The following GPATCH8 variants were observed in gnomAD, a reference collection of about 807,000 sequenced individuals.
The protein encoded by GPATCH8 is G patch domain-containing protein 8.
Under a neutral mutation model 118.3 loss-of-function variants are expected in GPATCH8, and 18 were observed. The ratio of observed to expected loss-of-function variants is 0.15; its 90% confidence interval spans 0.11 to 0.23. GPATCH8 has a LOEUF of 0.23. Among genes scored for constraint, GPATCH8 ranks in the 10% least tolerant of loss-of-function variants. The probability of loss-of-function intolerance (pLI) is 1.00; values close to 1 mark genes in which losing one functional copy is unlikely to be tolerated. For synonymous variants in GPATCH8, 659 were observed against 684.7 expected, an observed-to-expected ratio of 0.96 and a Z score of 0.59; for missense variants, 1,631 against 1,873.8, an observed-to-expected ratio of 0.87 and a Z score of 2.39.
Position 44,470,494 on chromosome 17 carries a change from C to CTTTTT in GPATCH8, c.120+4330_120+4334dup, listed in dbSNP as rs35343849. 5.2e-5 allele frequency among the ~76,000 whole-genome samples: 4 copies of CTTTTT among 76,314 alleles called. 1 individual carries two copies. The highest frequency in any genetic ancestry group is 3.6e-4 in the East Asian group (1 of 2,754). 50.1% of individuals were successfully genotyped at this position (76,314 alleles called of 152,430 possible). A position where few individuals can be genotyped will look rare whatever the true frequency, so the allele number is the denominator to read the frequency against. The stretch of plus-strand genomic sequence containing the variant: ...TAGGTGTGAGCCACTGCACCCAGCG[C>CTTTTT]TTTTTTTTTTTTTTTTTTTTGAGAC... On this transcript the variant is annotated intron_variant, in intron 2 of 7. Transcript: ENST00000591680.
intron 1 of GPATCH8, among the ~76,000 whole-genome samples, chr17:44,489,343 CT>C (rs920572731): frequency 2.0e-5 from 3 of 150,664 alleles, no homozygotes; most frequent in Non-Finnish European, 3.0e-5. Flanking sequence ...CCCACCCCCT[CT>C]TTTTTGTTTT....
chr17:44,406,069 A>T lies in GPATCH8; in HGVS notation c.493-18T>A. On this transcript the variant is annotated intron_variant, in intron 6 of 7. Coordinates refer to ENST00000591680, the MANE Select transcript of GPATCH8 (RefSeq NM_001002909.4). ...TTTAATCTCTGGGTTAAAAGAAAGAAAGATACAGAGGGTGGATGATTTACA... is the reference window on the plus strand; with the variant it reads ...TTTAATCTCTGGGTTAAAAGAAAGATAGATACAGAGGGTGGATGATTTACA... 1 of 1,586,108 alleles carries T rather than the reference A, an allele frequency of 6.3e-7. No individual in the cohort carries two copies. The highest frequency in any genetic ancestry group is 2.2e-5 in the East Asian group (1 of 44,698).
intron 1 of GPATCH8, among the ~76,000 whole-genome samples, chr17:44,484,052 G>A (rs997616193): frequency 8.5e-5 from 13 of 152,198 alleles, no homozygotes; most frequent in African/African-American, 2.9e-4. Context: ...GTGTTAGCCA[G>A]GATGGTCTTG....
At chr17:44,488,106 G>A (rs1001161550) in intron 1 of GPATCH8, among the ~76,000 whole-genome samples, 8 of 151,026 alleles carry the variant, frequency 5.3e-5, no homozygotes, top group African/African-American at 1.5e-4. Flanking sequence ...TGTATTTTCA[G>A]TAGAGAAGGG....
At chr17:44,472,431 A>T (rs1295153033) in intron 2 of GPATCH8, among the ~76,000 whole-genome samples, 1 of 152,220 alleles carries the variant, frequency 6.6e-6, no homozygotes, top group Non-Finnish European at 1.5e-5. Context: ...AATTTCCAAA[A>T]ATATTTCAGT....
chr17:44,502,632 A>G (rs1364853429), intron 1 of GPATCH8, among the ~76,000 whole-genome samples: 1 of 152,198 alleles, frequency 6.6e-6, no homozygotes, highest in Non-Finnish European at 1.5e-5. Context: ...ACGGCCTATT[A>G]TCATCACGCT....
rs527841575 is a variant in GPATCH8 at position 44,498,961 on chromosome 17, T to C, written c.45+4365A>G. On this transcript the variant is annotated intron_variant, in intron 1 of 7. Coordinates refer to ENST00000591680, the MANE Select transcript of GPATCH8 (RefSeq NM_001002909.4). ...CTAAGGGTCACATACTGGTTACATA[T>C]GGAAACACAAAGAGGATTCCTACAA... Among the ~76,000 whole-genome samples the C allele has an allele frequency of 9.2e-5, 14 of 152,312 alleles. No individual in the cohort carries two copies. The South Asian group carries it at 2.7e-3, about 29-fold the overall frequency.
At position 44,398,776 on chromosome 17, in the gene GPATCH8, T is replaced by C. The variant is rs2048882280; in HGVS notation, c.3301A>G (p.Lys1101Glu). Reference sequence around the variant, plus strand: ...CTCACACTAGGTTTCCTCTCCACTTTCCTTGACTGGATCTTCTCCAGTAGC... The same window carrying C: ...CTCACACTAGGTTTCCTCTCCACTTCCCTTGACTGGATCTTCTCCAGTAGC... ...KLLLEKIQSR[K>E]VERKPSVSEE... The change falls in exon 8 of 8, where the codon AAA (lysine) becomes GAA (glutamate). Residue 1101 changes from lysine (K) to glutamate (E), a missense_variant. Physicochemically the swap from Lys to Glu is moderately conservative, Grantham distance 56. This residue lies in a region of GPATCH8 where 922 missense variants were observed against 879.7 expected (regional missense o/e 1.05). Transcript: ENST00000591680. 1 of 1,613,758 alleles carries C rather than the reference T, an allele frequency of 6.2e-7. No homozygotes were observed. The highest frequency in any genetic ancestry group is 1.3e-5 in the African/African-American group (1 of 74,890).
chr17:44,472,202 A>G (rs746308037), intron 2 of GPATCH8, among the ~76,000 whole-genome samples: 5 of 152,218 alleles, frequency 3.3e-5, no homozygotes, highest in Non-Finnish European at 7.3e-5. Flanking sequence ...TTAAATATCC[A>G]GCCTGAGTAC....
At chr17:44,470,905 T>G (rs918188020) in intron 2 of GPATCH8, among the ~76,000 whole-genome samples, 2 of 152,260 alleles carry the variant, frequency 1.3e-5, no homozygotes, top group Non-Finnish European at 2.9e-5. Context: ...GAGCTATGGC[T>G]TTAGATCAAG....
chr17:44,499,865 T>C (rs1337007369), intron 1 of GPATCH8, among the ~76,000 whole-genome samples: 4 of 145,894 alleles, frequency 2.7e-5, no homozygotes, highest in African/African-American at 5.1e-5. Flanking sequence ...TAAAAATAAA[T>C]ACATCAGCTT....
intron 3 of GPATCH8, among the ~76,000 whole-genome samples, chr17:44,440,842 G>T (rs1016328391): frequency 8.5e-4 from 129 of 151,370 alleles, no homozygotes; most frequent in African/African-American, 3.1e-3. Context: ...CTCTTTTGTT[G>T]TTTTTTGGGA....
chr17:44,408,279 G>A (rs1323879410), intron 6 of GPATCH8, among the ~76,000 whole-genome samples: 3 of 151,812 alleles, frequency 2.0e-5, no homozygotes, highest in East Asian at 1.9e-4. Context: ...TCTGCCTCCC[G>A]GGTCCAAGCA....
intron 3 of GPATCH8, among the ~76,000 whole-genome samples, chr17:44,440,077 C>T (rs938460151): frequency 1.2e-4 from 19 of 152,220 alleles, no homozygotes; most frequent in Admixed American, 8.5e-4. Flanking sequence ...CCACCTCGCC[C>T]GGCCTCAACT....
chr17:44,457,897 C>T (rs934008258), intron 3 of GPATCH8, among the ~76,000 whole-genome samples: 4 of 151,924 alleles, frequency 2.6e-5, no homozygotes, highest in Non-Finnish European at 4.4e-5. Flanking sequence ...CTGGCTAACA[C>T]GCTAAAACCC....
In GPATCH8 at chr17:44,460,094, C is replaced by G. The variant is rs1170128099; in HGVS notation, c.193+4378G>C. Among the ~76,000 whole-genome samples the G allele has an allele frequency of 2.0e-5, 3 of 152,178 alleles. No homozygotes were observed. In the East Asian group the frequency reaches 5.8e-4, roughly 29 times the overall value. On this transcript the variant is annotated intron_variant, in intron 3 of 7. Transcript: ENST00000591680. ...AAAAATAAAAATTTTGAACTACATT[C>G]CATTTCAAAGCTGACAAAAGGTTAT...
chr17:44,398,026 G>A lies in GPATCH8; in HGVS notation c.4051C>T (p.Pro1351Ser), dbSNP rs1408354278. ...KAFPASAALA[P>S]ATPALQPIHI... is the part of the protein sequence containing the mutation. ...ATGGGTTGCAGGGCTGGTGTGGCTGGGGCCAGGGCAGCTGAGGCTGGAAAG... is the reference window on the plus strand; with the variant it reads ...ATGGGTTGCAGGGCTGGTGTGGCTGAGGCCAGGGCAGCTGAGGCTGGAAAG... Residue 1351 changes from proline (P) to serine (S), a missense_variant, in exon 8 of 8, where the codon CCA (proline) becomes TCA (serine). Physicochemically the swap from Pro to Ser is moderately conservative, Grantham distance 74. Transcript: ENST00000591680. 3 of 1,613,878 alleles carry A rather than the reference G, an allele frequency of 1.9e-6. No individual in the cohort carries two copies. Among genetic ancestry groups the A allele is most frequent in the Admixed American group, 3.3e-5 (2 of 60,008 alleles).
At chr17:44,416,619 GTGT>G (rs745792584) in intron 6 of GPATCH8, among the ~76,000 whole-genome samples, 7 of 152,150 alleles carry the variant, frequency 4.6e-5, no homozygotes, top group Non-Finnish European at 8.8e-5. Flanking sequence ...CTTCAAACCT[GTGT>G]TGTTTCTTAA....
At chr17:44,447,399 T>C (rs1423601689) in intron 3 of GPATCH8, among the ~76,000 whole-genome samples, 2 of 151,796 alleles carry the variant, frequency 1.3e-5, no homozygotes, top group South Asian at 2.1e-4. Context: ...CCTCGTGATC[T>C]GCCCGCCTCA....
Sources: allele counts gnomAD v4.1 joint callset (sites outside exome capture counted in the v4.1 genomes callset), GRCh38; gene constraint gnomAD v4.1.1; regional missense constraint gnomAD v4.1.1; transcripts MANE v1.5; gene names NCBI Gene and HGNC (gene_info 2026-07-23, HGNC 2026-07-21).